TENM1: variants seen among roughly 807,000 people sequenced by gnomAD.
TENM1 encodes the protein teneurin-1.
A neutral mutation model predicts 174.8 loss-of-function variants in TENM1; 35 were observed. That is an observed-to-expected ratio of 0.20 (90% confidence interval 0.15 to 0.27). TENM1 has a LOEUF of 0.27. TENM1 is among the 10% of genes least tolerant of loss of function. The pLI, the probability that TENM1 is intolerant of heterozygous loss-of-function variation, is 1.00. For synonymous variants in TENM1, 781 were observed against 798.7 expected, an observed-to-expected ratio of 0.98 and a Z score of 0.37; for missense variants, 1,633 against 2,130.1, an observed-to-expected ratio of 0.77 and a Z score of 4.59.
the TENM1 span, among the ~76,000 whole-genome samples, chrX:125,109,554 G>A: frequency 2.7e-5 from 3 of 110,597 alleles, no homozygotes; most frequent in East Asian, 2.8e-4. Flanking sequence ...CCCCAAACAC[G>A]CAGGAACAGT....
the TENM1 span, among the ~76,000 whole-genome samples, chrX:125,129,380 T>C: frequency 8.9e-6 from 1 of 111,923 alleles, no homozygotes; most frequent in Non-Finnish European, 1.9e-5. Context: ...GATATTTTGA[T>C]ACAGGCATGC....
chrX:124,811,259 T>C (rs1206422566), intron 3 of TENM1, among the ~76,000 whole-genome samples: 1 of 111,722 alleles, frequency 9.0e-6, no homozygotes, highest in Non-Finnish European at 1.9e-5. Context: ...ATTTGCAAAT[T>C]ATAGATCTGA....
intron 11 of TENM1, among the ~76,000 whole-genome samples, chrX:124,576,902 G>A (rs916263755): frequency 7.2e-5 from 8 of 111,608 alleles, no homozygotes; most frequent in African/African-American, 2.3e-4. Flanking sequence ...CCTACATGGT[G>A]TTATTCTAAG....
At chrX:124,987,974 T>C in the TENM1 span, among the ~76,000 whole-genome samples, 1 of 111,381 alleles carries the variant, frequency 9.0e-6, no homozygotes, top group African/African-American at 3.3e-5. Flanking sequence ...GTGTTAGGTA[T>C]TTTTGGAGTC....
chrX:125,157,377 T>C, the TENM1 span, among the ~76,000 whole-genome samples: 1 of 112,258 alleles, frequency 8.9e-6, no homozygotes, highest in Non-Finnish European at 1.9e-5. Flanking sequence ...GCAATATAGC[T>C]TGAAAATACA....
chrX:124,396,728 C>A (rs2060339349), intron 27 of TENM1, among the ~76,000 whole-genome samples: 1 of 111,762 alleles, frequency 8.9e-6, no homozygotes, highest in South Asian at 3.7e-4. Context: ...CATACAAGTG[C>A]TTGCTTTCCT....
chrX:124,877,563 T>A (rs767301406), intron 3 of TENM1, among the ~76,000 whole-genome samples: 22 of 112,174 alleles, frequency 2.0e-4, no homozygotes, highest in South Asian at 1.1e-3. Context: ...TATAATCTAA[T>A]GAAGGACATG....
the TENM1 span, among the ~76,000 whole-genome samples, chrX:124,998,346 GT>G: frequency 9.1e-6 from 1 of 109,965 alleles, no homozygotes; most frequent in Non-Finnish European, 1.9e-5. Context: ...AAGAAAAGGA[GT>G]AAGCTCAAAA....
intron 11 of TENM1, among the ~76,000 whole-genome samples, chrX:124,587,903 A>G (rs1480905883): frequency 8.9e-6 from 1 of 112,228 alleles, no homozygotes; most frequent in East Asian, 2.8e-4. Flanking sequence ...ACTTCTCAAA[A>G]GAAGACATTT....
intron 18 of TENM1, among the ~76,000 whole-genome samples, chrX:124,506,195 C>T (rs1393857984): frequency 8.9e-6 from 1 of 111,771 alleles, no homozygotes; most frequent in Non-Finnish European, 1.9e-5. Flanking sequence ...ATCCCTTCTC[C>T]GGAAGGTGAT....
intron 15 of TENM1, among the ~76,000 whole-genome samples, chrX:124,530,627 T>A (rs747065641): frequency 1.6e-4 from 18 of 111,756 alleles, no homozygotes; most frequent in Non-Finnish European, 2.6e-4. Flanking sequence ...AGTGCCTTTT[T>A]CTGGTAAAAC....
Position 124,702,059 on chromosome X carries a change from G to T in TENM1, c.1015+2954C>A, listed in dbSNP as rs73545947. On this transcript the variant is annotated intron_variant, in intron 5 of 31. Transcript: ENST00000422452. ...GAAGCAGCAAGTAGTTTCAGTGAAA[G>T]ATTTTACTTGGGTTATACAGCAACT... Among the ~76,000 whole-genome samples the T allele has an allele frequency of 8.1e-3, 902 of 111,973 alleles. 9 individuals carry two copies. The highest frequency in any genetic ancestry group is 0.028 in the African/African-American group (870 of 30,877).
chrX:124,950,802 C>T (rs757538252), intron 1 of TENM1, among the ~76,000 whole-genome samples: 7 of 111,431 alleles, frequency 6.3e-5, no homozygotes, highest in Non-Finnish European at 1.3e-4. Context: ...ACTTTGGTTC[C>T]GAACCTGAGT....
chrX:124,731,545 T>C (rs1015963278), intron 4 of TENM1, among the ~76,000 whole-genome samples: 2 of 111,629 alleles, frequency 1.8e-5, no homozygotes, highest in Non-Finnish European at 3.8e-5. Flanking sequence ...ACAGAAAACA[T>C]TGGCTTTAGT....
chrX:124,700,285 T>C (rs1464340636), intron 5 of TENM1, among the ~76,000 whole-genome samples: 3 of 111,627 alleles, frequency 2.7e-5, no homozygotes, highest in African/African-American at 9.7e-5. Flanking sequence ...CAGACATTCA[T>C]GCTCTGAAAA....
At chrX:124,986,632 TTTTGTTTG>T in the TENM1 span, among the ~76,000 whole-genome samples, 7 of 110,962 alleles carry the variant, frequency 6.3e-5, no homozygotes, top group African/African-American at 1.3e-4. Flanking sequence ...AGGACTTCTT[TTTTGTTTG>T]TTTGTTTGTT....
intron 18 of TENM1, among the ~76,000 whole-genome samples, chrX:124,518,862 T>C (rs1292802032): frequency 8.9e-6 from 1 of 112,049 alleles, no homozygotes; most frequent in African/African-American, 3.2e-5. Flanking sequence ...CAGGACTCTG[T>C]AGGCTGGTCA....
At chrX:124,647,557 A>T (rs1173666655) in intron 8 of TENM1, among the ~76,000 whole-genome samples, 1 of 111,419 alleles carries the variant, frequency 9.0e-6, no homozygotes, top group Non-Finnish European at 1.9e-5. Context: ...CTTTTATAAG[A>T]CTTACAGTAA....
intron 22 of TENM1, among the ~76,000 whole-genome samples, chrX:124,471,374 T>G (rs867844955): frequency 3.6e-5 from 1 of 28,159 alleles, no homozygotes; most frequent in Non-Finnish European, 5.7e-5. Context: ...TACTATATAT[T>G]ATAATATATA....
Sources: gnomAD v4.1 joint callset for allele counts (sites outside exome capture counted in the v4.1 genomes callset) on GRCh38, gnomAD v4.1.1 for gene constraint, MANE v1.5 for transcripts, NCBI Gene and HGNC (gene_info 2026-07-23, HGNC 2026-07-21) for gene names.